SLC35F4: variants seen among roughly 807,000 people sequenced by gnomAD.
The protein encoded by SLC35F4 is chromosome 14 open reading frame 36.
Under a neutral mutation model 44.2 loss-of-function variants are expected in SLC35F4, and 24 were observed. The ratio of observed to expected loss-of-function variants is 0.54; its 90% CI spans 0.39 to 0.76. SLC35F4 has a LOEUF of 0.76. Among genes scored for constraint, SLC35F4 ranks in the 30% least tolerant of loss-of-function variants. SLC35F4 has a pLI of 0.00. For synonymous variants in SLC35F4, 238 were observed against 223.6 expected (o/e 1.06, Z -0.57); for missense variants, 562 against 586.1 (o/e 0.96, Z 0.42).
chr14:57,753,259 A>G, intron 1 of SLC35F4, among the ~76,000 whole-genome samples: 1 of 152,182 alleles, frequency 6.6e-6, no homozygotes, highest in East Asian at 1.9e-4. Flanking sequence ...CGCTATCACT[A>G]GGACTCCTCC....
chr14:57,901,756 T>G (rs1889004984), intron 1 of SLC35F4, among the ~76,000 whole-genome samples: 1 of 152,196 alleles, frequency 6.6e-6, no homozygotes, highest in Non-Finnish European at 1.5e-5. Context: ...GCTCCAATGT[T>G]AGAAAATGCT....
chr14:57,737,406 T>C (rs1351711953), intron 1 of SLC35F4, among the ~76,000 whole-genome samples: 1 of 152,180 alleles, frequency 6.6e-6, no homozygotes, highest in Non-Finnish European at 1.5e-5. Context: ...GACACATATT[T>C]ATTACTTTGA....
chr14:57,709,603 G>T (rs2075767423), intron 1 of SLC35F4, among the ~76,000 whole-genome samples: 1 of 152,066 alleles, frequency 6.6e-6, no homozygotes, highest in African/African-American at 2.4e-5. Flanking sequence ...TAGGTGGCTT[G>T]CCGCTCACAA....
chr14:57,599,695 C>A (rs1293809803), intron 1 of SLC35F4, among the ~76,000 whole-genome samples: 2 of 151,050 alleles, frequency 1.3e-5, no homozygotes, highest in Non-Finnish European at 2.9e-5. Context: ...TACAAAAATT[C>A]TCGTGTTGAG....
In SLC35F4 at chr14:57,820,713, A is replaced by T. The variant is rs144984016; in HGVS notation, c.103+45010T>A. Among the ~76,000 whole-genome samples the T allele has an allele frequency of 6.6e-3, 1,005 of 152,358 alleles. 5 individuals are homozygous for T. The highest frequency in any genetic ancestry group is 0.011 in the Non-Finnish European group (729 of 68,026). On this transcript the variant is annotated intron_variant, in intron 1 of 7. Transcript: ENST00000556826. Reference sequence around the variant, plus strand: ...ACAGATAAAACTTCTCAAGGTTTAGAGTATGAACTGAGTAAGCCTCTGAGG... The same window carrying T: ...ACAGATAAAACTTCTCAAGGTTTAGTGTATGAACTGAGTAAGCCTCTGAGG...
chr14:57,644,720 T>A (rs1367304372), intron 1 of SLC35F4, among the ~76,000 whole-genome samples: 1 of 152,128 alleles, frequency 6.6e-6, no homozygotes, highest in African/African-American at 2.4e-5. Context: ...ATTGCCTAGG[T>A]TTTCTTCTAG....
chr14:57,737,715 A>T (rs1369717348), intron 1 of SLC35F4, among the ~76,000 whole-genome samples: 1 of 152,206 alleles, frequency 6.6e-6, no homozygotes, highest in East Asian at 1.9e-4. Flanking sequence ...GCCGTGCTAC[A>T]TTGGCCTTTT....
intron 1 of SLC35F4, among the ~76,000 whole-genome samples, chr14:57,910,950 A>C (rs895777329): frequency 6.6e-5 from 10 of 152,034 alleles, no homozygotes; most frequent in African/African-American, 2.4e-4. Flanking sequence ...GTTATCTTTT[A>C]TCAGAGATTT....
intron 1 of SLC35F4, among the ~76,000 whole-genome samples, chr14:57,920,777 C>T (rs13379407): frequency 0.01 from 1,594 of 152,184 alleles, 27 homozygotes; most frequent in African/African-American, 0.036. Context: ...GGTCTATAAC[C>T]CCTAATGGGA....
chr14:57,916,530 G>A (rs1214050410), intron 1 of SLC35F4, among the ~76,000 whole-genome samples: 3 of 152,092 alleles, frequency 2.0e-5, no homozygotes, highest in Non-Finnish European at 4.4e-5. Context: ...GACATTAACT[G>A]GGGGGAAATT....
At chr14:57,806,461 T>C (rs1881333210) in intron 1 of SLC35F4, among the ~76,000 whole-genome samples, 1 of 152,196 alleles carries the variant, frequency 6.6e-6, no homozygotes, top group Non-Finnish European at 1.5e-5. Flanking sequence ...CTCCAAATTT[T>C]AATTATTTTC....
At chr14:57,922,836 T>C (rs550393661) in intron 1 of SLC35F4, among the ~76,000 whole-genome samples, 3 of 152,362 alleles carry the variant, frequency 2.0e-5, no homozygotes, top group South Asian at 2.1e-4. Flanking sequence ...AGTTCCCTTC[T>C]TCCTCTAACA....
intron 1 of SLC35F4, among the ~76,000 whole-genome samples, chr14:57,622,611 T>A (rs28824799): frequency 1.7e-5 from 2 of 118,130 alleles, no homozygotes; most frequent in East Asian, 4.0e-4. Context: ...TAGGTGGGAA[T>A]TGAACAATGA....
chr14:57,845,360 A>C (rs1028933786), intron 1 of SLC35F4, among the ~76,000 whole-genome samples: 8 of 152,212 alleles, frequency 5.3e-5, no homozygotes, highest in Admixed American at 6.5e-5. Flanking sequence ...CACCCACTAC[A>C]CAGAGTGGCT....
intron 2 of SLC35F4, among the ~76,000 whole-genome samples, chr14:57,591,140 C>G (rs1258370755): frequency 6.6e-6 from 1 of 152,200 alleles, no homozygotes; most frequent in African/African-American, 2.4e-5. Context: ...CTTATGGAGA[C>G]TCTACCAGGC....
intron 1 of SLC35F4, among the ~76,000 whole-genome samples, chr14:57,722,165 C>G (rs1244120221): frequency 6.6e-6 from 1 of 152,136 alleles, no homozygotes; most frequent in South Asian, 2.1e-4. Context: ...AGAGTTGGAT[C>G]AGGCCAAATT....
At chr14:57,770,322 G>T (rs1236375345) in intron 1 of SLC35F4, among the ~76,000 whole-genome samples, 1 of 152,202 alleles carries the variant, frequency 6.6e-6, no homozygotes, top group Non-Finnish European at 1.5e-5. Context: ...CTATTTCTGT[G>T]TAATTGGTAG....
At chr14:57,668,727 C>T (rs942240622) in intron 1 of SLC35F4, among the ~76,000 whole-genome samples, 10 of 152,106 alleles carry the variant, frequency 6.6e-5, no homozygotes, top group Admixed American at 1.3e-4. Flanking sequence ...TGTTTGGTTA[C>T]TGTAGCCTTG....
chr14:57,684,661 G>T (rs981254339), intron 1 of SLC35F4, among the ~76,000 whole-genome samples: 1 of 152,166 alleles, frequency 6.6e-6, no homozygotes, highest in Non-Finnish European at 1.5e-5. Flanking sequence ...CTGCCCTAGT[G>T]GCTCCTGAAG....
Sources: allele counts gnomAD v4.1 joint callset (sites outside exome capture counted in the v4.1 genomes callset), GRCh38; gene constraint gnomAD v4.1.1; transcripts MANE v1.5; gene names NCBI Gene and HGNC (gene_info 2026-07-23, HGNC 2026-07-21).